Variants in NOTCH4 observed in about 807,000 individuals in gnomAD.
NOTCH4 encodes the protein notch receptor 4.
NOTCH4 carries 138 observed loss-of-function variants against 189.0 expected under a neutral mutation model. The ratio of observed to expected loss-of-function variants is 0.73; its 90% CI spans 0.64 to 0.84. The LOEUF (loss-of-function observed/expected upper bound fraction) is 0.84. Ranked by LOEUF, NOTCH4 falls within the 40% of genes least tolerant of loss-of-function variation. The pLI, the probability that NOTCH4 is intolerant of heterozygous loss-of-function variation, is 0.00. For missense variants in NOTCH4, 2,286 were observed against 2,605.4 expected, an observed-to-expected ratio of 0.88 and a Z score of 2.67; for synonymous variants, 942 against 1,032.8, an observed-to-expected ratio of 0.91 and a Z score of 1.69.
In NOTCH4 at chr6:32,199,365, GA is replaced by G. The variant is rs1788191842; in HGVS notation, c.4316-221del. Among the ~76,000 whole-genome samples the G allele has an allele frequency of 6.6e-6, 1 of 152,130 alleles. No homozygotes were observed. Among genetic ancestry groups the G allele is most frequent in the Non-Finnish European group, 1.5e-5 (1 of 68,014 alleles). On this transcript the variant is annotated intron_variant, in intron 23 of 29. Transcript: ENST00000375023. This position sits in a 1 kb window ranked among gnomAD's most constrained non-coding sequence, Gnocchi z 4.9. ...GTGGATCATATGAGGCCAGGAGTTC[GA>G]GACCAGCCTGGCCAACATGGCAAAA...
In NOTCH4 at chr6:32,221,463, T is replaced by C; in HGVS notation, c.452-138A>G. 1.5e-6 allele frequency: 1 copy of C among 667,230 alleles called. No homozygotes were observed. The highest frequency in any genetic ancestry group is 2.5e-6 in the Non-Finnish European group (1 of 393,668). 41.3% of individuals were successfully genotyped at this position (667,230 alleles called of 1,614,324 possible). On this transcript the variant is annotated intron_variant, in intron 3 of 29. Coordinates refer to ENST00000375023, the MANE Select transcript of NOTCH4 (RefSeq NM_004557.4). This position sits in a 1 kb window ranked among gnomAD's most constrained non-coding sequence, Gnocchi z 4.3. ...CCCTTTATTACCATACTTTCTTTGC[T>C]CTGTTCCATCACCCCTGCTCTGAGC... is the stretch of plus-strand genomic sequence containing the variant.
rs1005435146 is a variant in NOTCH4, at chr6:32,196,367, G to T, written c.5255C>A (p.Ser1752Ter). Reference sequence around the variant, plus strand: ...TTTATCGGCTCCGGCCTGGAGAAGCGAGCGGGCGGCTCGGGCGTTGTTCAC... The same window carrying T: ...TTTATCGGCTCCGGCCTGGAGAAGCTAGCGGGCGGCTCGGGCGTTGTTCAC... The part of the protein sequence containing the change: ...AAVNNARAAR[S>*]LLQAGADKDA... The change falls in exon 29 of 30, where the codon TCG becomes TAG. Residue 1752 changes from serine to a stop codon, truncating the protein, a stop_gained. Transcript: ENST00000375023. LOFTEE classifies it low-confidence loss of function (END_TRUNC). The T allele has an allele frequency of 6.2e-7, 1 of 1,613,156 alleles. No homozygotes were observed. Among genetic ancestry groups the T allele is most frequent in the Non-Finnish European group, 8.5e-7 (1 of 1,180,046 alleles).
chr6:32,211,812 C>G lies in NOTCH4; in HGVS notation c.2680+662G>C, dbSNP rs117016293. Among the ~76,000 whole-genome samples, 348 of 152,092 alleles carry G rather than the reference C, an allele frequency of 2.3e-3. 14 individuals carry two copies. In the East Asian group the frequency reaches 0.06, roughly 26 times the overall value. ...CATCGAGTTTTACCTCTCTCCTCAC[C>G]CTTTCTGCCAGAATATTGGAGACAT... On this transcript the variant is annotated intron_variant, in intron 17 of 29. Coordinates refer to ENST00000375023, the MANE Select transcript of NOTCH4 (RefSeq NM_004557.4).
chr6:32,219,739 T>C lies in NOTCH4; in HGVS notation c.1363A>G (p.Thr455Ala), dbSNP rs555339824. Reference protein sequence around the residue: ...PCEHGGSCLNTPGSFNCLCPP... With the variant: ...PCEHGGSCLNAPGSFNCLCPP... Reference sequence around the variant, plus strand: ...CAGAGGCAGTTGAAGGAGCCAGGAGTGTTGAGGCAGGAACCGCCATGTTCA... The same window carrying C: ...CAGAGGCAGTTGAAGGAGCCAGGAGCGTTGAGGCAGGAACCGCCATGTTCA... Residue 455 changes from threonine (T) to alanine (A), a missense_variant, in exon 8 of 30, where the codon ACT becomes GCT. By Grantham distance (58) the Thr-to-Ala change is moderately conservative. This residue lies in a region of NOTCH4 where 1,903 missense variants were observed against 2,261.9 expected (regional missense o/e 0.84). Coordinates refer to ENST00000375023, the MANE Select transcript of NOTCH4 (RefSeq NM_004557.4). 287 of 1,610,948 alleles carry C rather than the reference T, an allele frequency of 1.8e-4. 2 individuals are homozygous for C. Among genetic ancestry groups the C allele is most frequent in the Non-Finnish European group, 2.3e-4 (266 of 1,179,404 alleles).
chr6:32,195,325 A>C lies in NOTCH4; in HGVS notation c.*112T>G. 1 of 1,030,010 alleles carries C rather than the reference A, an allele frequency of 9.7e-7. No individual in the cohort carries two copies. The highest frequency in any genetic ancestry group is 2.8e-5 in the Admixed American group (1 of 35,286). 63.8% of individuals were successfully genotyped at this position (1,030,010 alleles called of 1,614,324 possible). On this transcript the variant is annotated 3_prime_UTR_variant, in exon 30 of 30. Coordinates refer to ENST00000375023, the MANE Select transcript of NOTCH4 (RefSeq NM_004557.4). This position sits in a 1 kb window ranked among gnomAD's most constrained non-coding sequence, Gnocchi z 5.4. ...GGCATACATTCATTTTAGGAGAGAAACTAAACTCACAACCCTTCATTTTGG... is the reference window on the plus strand; with the variant it reads ...GGCATACATTCATTTTAGGAGAGAACCTAAACTCACAACCCTTCATTTTGG...
intron 28 of NOTCH4, 92 bp from the exon 29 acceptor site, chr6:32,196,513 A>T: frequency 6.7e-7 from 1 of 1,488,822 alleles, no homozygotes. Context: ...GGGAAGGGCT[A>T]TTCGGGCCGG....
chr6:32,213,166 C>T lies in NOTCH4; in HGVS notation c.2407G>A (p.Glu803Lys). 1 of 1,613,956 alleles carries T rather than the reference C, an allele frequency of 6.2e-7. No individual in the cohort carries two copies. The highest frequency in any genetic ancestry group is 8.5e-7 in the Non-Finnish European group (1 of 1,179,908). ...CAMGFQGPRCEGKLRPSCADS... is the reference protein window; with the variant it reads ...CAMGFQGPRCKGKLRPSCADS... ...GCACAGCTGGGGCGGAGCTTTCCCTCACAGCGCGGGCCCTGGAAGCCCATG... is the reference window on the plus strand; with the variant it reads ...GCACAGCTGGGGCGGAGCTTTCCCTTACAGCGCGGGCCCTGGAAGCCCATG... Residue 803 changes from glutamate (E) to lysine (K), a missense_variant, in exon 15 of 30, where the codon GAG becomes AAG. This residue lies in a region of NOTCH4 where 1,903 missense variants were observed against 2,261.9 expected (regional missense o/e 0.84). Transcript: ENST00000375023.
At position 32,202,539 on chromosome 6, in the gene NOTCH4, G is replaced by A. The variant is rs774320326; in HGVS notation, c.3292C>T (p.His1098Tyr). 1 of 1,608,356 alleles carries A rather than the reference G, an allele frequency of 6.2e-7. No homozygotes were observed. The highest frequency in any genetic ancestry group is 8.5e-7 in the Non-Finnish European group (1 of 1,176,210). ...GGGGAGGGCAGACACAGGCCTCCGT[G>A]GTGGCAGTGATGGAAGCCGCAGGAA... Reference protein sequence around the residue: ...APSCGFHHCHHGGLCLPSPKP... With the variant: ...APSCGFHHCHYGGLCLPSPKP... Residue 1098 changes from histidine to tyrosine, a missense_variant, in exon 21 of 30, where the codon CAC becomes TAC. By Grantham distance (83) the His-to-Tyr change is moderately conservative. This residue lies in a region of NOTCH4 where 1,903 missense variants were observed against 2,261.9 expected (regional missense o/e 0.84). Transcript: ENST00000375023. The surrounding 1 kb of genome is among the most constrained non-coding windows in gnomAD (Gnocchi z 5.7).
chr6:32,196,894 T>C, intron 28 of NOTCH4, 31 bp downstream of exon 28: 1 of 1,612,136 alleles, frequency 6.2e-7, no homozygotes. Flanking sequence ...TCAACTTCTC[T>C]ATAGCATACA....
In NOTCH4 at chr6:32,212,915, A is replaced by C; in HGVS notation, c.2439-4T>G. On this transcript the variant is annotated splice_polypyrimidine_tract_variant and splice_region_variant and intron_variant, in intron 15 of 29. Coordinates refer to ENST00000375023, the MANE Select transcript of NOTCH4 (RefSeq NM_004557.4). The surrounding 1 kb of genome is among the most constrained non-coding windows in gnomAD (Gnocchi z 4.4). ...GGTTGCCCTATTCCTACAGGGGCTG[A>C]ACAAGACAGAGACAGGGCATGATAG... 5.1e-6 allele frequency: 8 copies of C among 1,565,096 alleles called. No individual in the cohort carries two copies. Among genetic ancestry groups the C allele is most frequent in the Non-Finnish European group, 6.9e-6 (8 of 1,154,348 alleles).
At chr6:32,197,113 A>C in intron 27 of NOTCH4, 41 bp from the exon 28 acceptor site, 1 of 1,604,954 alleles carries the variant, frequency 6.2e-7, no homozygotes, top group Non-Finnish European at 8.5e-7. Flanking sequence ...GGTACCTTGG[A>C]CTGCCAACTC....
rs777501570 is a variant in NOTCH4, at chr6:32,216,952, A to G, written c.1854T>C (p.Gly618=). ...PGAFFCLCPS[G]FTGQLCEVPL... Reference sequence around the variant, plus strand: ...AGTGCCTCCCCTGTGAACCTGTGAAACCAGAGGGGCAGAGGCAAAAGAAGG... The same window carrying G: ...AGTGCCTCCCCTGTGAACCTGTGAAGCCAGAGGGGCAGAGGCAAAAGAAGG... The change falls in exon 11 of 30, where the codon GGT becomes GGC. Residue 618 remains glycine, a synonymous_variant. Coordinates refer to ENST00000375023, the MANE Select transcript of NOTCH4 (RefSeq NM_004557.4). The G allele has an allele frequency of 7.4e-6, 12 of 1,613,100 alleles. No homozygotes were observed. The highest frequency in any genetic ancestry group is 1.3e-5 in the African/African-American group (1 of 75,060).
At chr6:32,203,925 C>T (rs1788513899) in intron 19 of NOTCH4, 43 bp from the exon 20 acceptor site, 5 of 1,510,814 alleles carry the variant, frequency 3.3e-6, no homozygotes, top group Non-Finnish European at 4.5e-6. Flanking sequence ...CTGCATCAGT[C>T]ACTGCCTCCA....
chr6:32,223,192 C>T (rs78809511), intron 1 of NOTCH4, 106 bp from the exon 2 acceptor site: 9,523 of 814,086 alleles, frequency 0.012, 189 homozygotes, highest in Admixed American at 0.051. Context: ...CCCACAGGTA[C>T]TCTAAACCAC....
rs2127457770 is a variant in NOTCH4, at chr6:32,195,531, G to A, written c.5918C>T (p.Thr1973Ile). 3 of 1,613,132 alleles carry A rather than the reference G, an allele frequency of 1.9e-6. No individual in the cohort carries two copies. The highest frequency in any genetic ancestry group is 1.3e-5 in the African/African-American group (1 of 75,066). Residue 1973 changes from threonine (T) to isoleucine (I), a missense_variant, in exon 30 of 30, where the codon ACT becomes ATT. By Grantham distance (89) the Thr-to-Ile change is moderately conservative. Around this residue, in one of 2 missense-constraint regions of NOTCH4, gnomAD observed 383 missense variants for 343.5 expected, o/e 1.11. Coordinates refer to ENST00000375023, the MANE Select transcript of NOTCH4 (RefSeq NM_004557.4). This position sits in a 1 kb window ranked among gnomAD's most constrained non-coding sequence, Gnocchi z 5.4. ...AGGTGATCCCCGCTCCGGGGACGGA[G>A]TAAGGCAAGGAGGCGGGATCGGAAT... ...SNIPIPPPCL[T>I]PSPERGSPQL...
At position 32,196,285 on chromosome 6, in the gene NOTCH4, G is replaced by C. The variant is rs8192578; in HGVS notation, c.5298+39C>G. ...TTACCGCACTTTCCATCTCTCGTGCGCCTGACTGTTTTGTGGGAAGCCCTC... is the reference window on the plus strand; with the variant it reads ...TTACCGCACTTTCCATCTCTCGTGCCCCTGACTGTTTTGTGGGAAGCCCTC... On this transcript the variant is annotated intron_variant, in intron 29 of 29. Transcript: ENST00000375023. The C allele has an allele frequency of 2.4e-4, 393 of 1,613,102 alleles. 1 individual carries two copies. The highest frequency in any genetic ancestry group is 1.5e-3 in the Middle Eastern group (9 of 6,062).
intron 17 of NOTCH4, among the ~76,000 whole-genome samples, chr6:32,211,324 C>T (rs987378471): frequency 2.0e-5 from 3 of 151,178 alleles, no homozygotes; most frequent in Admixed American, 6.6e-5. Context: ...GGCGTGGTGG[C>T]TCACACCTGT....
In NOTCH4 at chr6:32,197,557, C is replaced by T. The variant is rs768786007; in HGVS notation, c.4794G>A (p.Gly1598=). Residue 1598 remains glycine, a synonymous_variant, in exon 27 of 30, where the codon GGG becomes GGA. Transcript: ENST00000375023. ...CTTGGAAGGTCCCGGACTGTACTTC[C>T]CCACAGCAAACTGCTGACATCAGGG... ...VTPLMSAVCC[G]EVQSGTFQGA... is the part of the protein sequence containing the mutation. 5 of 1,612,582 alleles carry T rather than the reference C, an allele frequency of 3.1e-6. No homozygotes were observed. The highest frequency in any genetic ancestry group is 1.3e-5 in the African/African-American group (1 of 74,882).
chr6:32,212,803 C>A lies in NOTCH4; in HGVS notation c.2526+21G>T. The A allele has an allele frequency of 1.3e-6, 2 of 1,510,718 alleles. No individual in the cohort carries two copies. Among genetic ancestry groups the A allele is most frequent in the Non-Finnish European group, 1.8e-6 (2 of 1,126,900 alleles). The allele number at this position is 1,510,718 out of a possible 1,614,324, so 93.6% of individuals were successfully genotyped here. On this transcript the variant is annotated intron_variant, in intron 16 of 29. Coordinates refer to ENST00000375023, the MANE Select transcript of NOTCH4 (RefSeq NM_004557.4). The surrounding 1 kb of genome is among the most constrained non-coding windows in gnomAD (Gnocchi z 4.4). ...CCCAGCCACTTCCCTCCTCAGCACGCCTGACTTCAATGGCCCTCACCTGGC... is the reference window on the plus strand; with the variant it reads ...CCCAGCCACTTCCCTCCTCAGCACGACTGACTTCAATGGCCCTCACCTGGC...
Sources: allele counts gnomAD v4.1 joint callset (sites outside exome capture counted in the v4.1 genomes callset), GRCh38; gene constraint gnomAD v4.1.1; regional missense constraint gnomAD v4.1.1; non-coding constraint Gnocchi (gnomAD v3.1); transcripts MANE v1.5; gene names NCBI Gene and HGNC (gene_info 2026-07-23, HGNC 2026-07-21).